GLP2R: variants seen among roughly 807,000 people sequenced by gnomAD.
GLP2R encodes glucagon-like peptide 2 receptor.
Under a neutral mutation model 68.2 loss-of-function variants are expected in GLP2R, and 59 were observed. The observed-to-expected ratio is 0.87, with a 90% CI of 0.70 to 1.07. The LOEUF is 1.07. GLP2R is among the 50% of genes least tolerant of loss of function. GLP2R has a pLI of 0.00. For missense variants in GLP2R, 548 were observed against 677.4 expected, an observed-to-expected ratio of 0.81 and a Z score of 2.12; for synonymous variants, 270 against 265.4, an observed-to-expected ratio of 1.02 and a Z score of -0.17.
intron 3 of GLP2R, among the ~76,000 whole-genome samples, chr17:9,840,114 T>C (rs531546385): frequency 8.4e-4 from 128 of 151,984 alleles, no homozygotes; most frequent in Non-Finnish European, 1.5e-3. Flanking sequence ...GTAGCTGGGA[T>C]TACAGGCACA....
chr17:9,830,440 CT>C (rs1204395554), intron 1 of GLP2R, among the ~76,000 whole-genome samples: 1 of 152,182 alleles, frequency 6.6e-6, no homozygotes, highest in Non-Finnish European at 1.5e-5. Context: ...AAGATGTTTA[CT>C]TCTTTAAACA....
chr17:9,838,822 G>A (rs1235611962), intron 3 of GLP2R, among the ~76,000 whole-genome samples: 2 of 152,212 alleles, frequency 1.3e-5, no homozygotes, highest in Non-Finnish European at 2.9e-5. Context: ...CAGAGTGGAG[G>A]AGAGTCCCTG....
At chr17:9,886,245 C>T (rs553536361) in intron 11 of GLP2R, among the ~76,000 whole-genome samples, 1 of 152,316 alleles carries the variant, frequency 6.6e-6, no homozygotes, top group African/African-American at 2.4e-5. Context: ...GAGAGTTCCA[C>T]CAGCCTCCTG....
intron 3 of GLP2R, among the ~76,000 whole-genome samples, chr17:9,840,476 A>T (rs1261365377): frequency 1.3e-5 from 2 of 152,248 alleles, no homozygotes; most frequent in Non-Finnish European, 2.9e-5. Context: ...ATATTTATGA[A>T]GCACCTGTTG....
At chr17:9,829,969 A>G (rs1309953426) in intron 1 of GLP2R, among the ~76,000 whole-genome samples, 1 of 152,234 alleles carries the variant, frequency 6.6e-6, no homozygotes, top group Non-Finnish European at 1.5e-5. Context: ...TTGCCTATGC[A>G]AGGGAAAAGG....
chr17:9,831,094 G>T lies in GLP2R; in HGVS notation c.190-2713G>T, dbSNP rs139395539. Among the ~76,000 whole-genome samples the T allele has an allele frequency of 5.1e-3, 771 of 152,260 alleles. 5 individuals carry two copies. The highest frequency in any genetic ancestry group is 8.4e-3 in the Admixed American group (128 of 15,284). ...CACACTAGCTCTTCTTCAAAAAGTC[G>T]GCTGTGTGATTGTTGCTGCACTCCC... On this transcript the variant is annotated intron_variant, in intron 1 of 12. Coordinates refer to ENST00000262441, the MANE Select transcript of GLP2R (RefSeq NM_004246.3).
intron 9 of GLP2R, among the ~76,000 whole-genome samples, chr17:9,869,604 C>T (rs575348055): frequency 6.6e-5 from 10 of 152,340 alleles, no homozygotes; most frequent in African/African-American, 1.7e-4. Context: ...GGCGCACACA[C>T]GTAGCTGGTG....
At position 9,835,407 on chromosome 17, in the gene GLP2R, G is replaced by A. The variant is rs550175756; in HGVS notation, c.278-964G>A. ...CCATTTGATTCCAGGAGGCCCATAA[G>A]GTGGAGTTTTAAGGTTGTTGCTTCC... On this transcript the variant is annotated intron_variant, in intron 2 of 12. Coordinates refer to ENST00000262441, the MANE Select transcript of GLP2R (RefSeq NM_004246.3). 1.5e-3 allele frequency among the ~76,000 whole-genome samples: 226 copies of A among 152,242 alleles called. 11 individuals are homozygous for A. In the South Asian group the frequency reaches 0.045, roughly 30 times the overall value.
intron 2 of GLP2R, among the ~76,000 whole-genome samples, chr17:9,834,953 G>A (rs1018847619): frequency 6.6e-6 from 1 of 151,638 alleles, no homozygotes; most frequent in African/African-American, 2.4e-5. Context: ...CAGCCAGGTC[G>A]ACATGGTGTC....
chr17:9,879,321 A>G (rs1167295636), intron 10 of GLP2R, among the ~76,000 whole-genome samples: 1 of 82,750 alleles, frequency 1.2e-5, no homozygotes, highest in South Asian at 4.3e-4. Flanking sequence ...AAAATAAAAT[A>G]AAATAAAATA....
intron 1 of GLP2R, among the ~76,000 whole-genome samples, chr17:9,832,264 C>T (rs1166580142): frequency 1.3e-5 from 2 of 151,882 alleles, no homozygotes; most frequent in South Asian, 4.2e-4. Flanking sequence ...GTAGCGAAAT[C>T]CTGTCTCTAC....
chr17:9,881,470 T>A (rs1258836399), intron 11 of GLP2R, among the ~76,000 whole-genome samples: 1 of 123,100 alleles, frequency 8.1e-6, no homozygotes, highest in Admixed American at 8.5e-5. Flanking sequence ...AAGCTCCGCC[T>A]CCCGGGTTCA....
At chr17:9,847,746 T>C (rs1350833922) in intron 4 of GLP2R, among the ~76,000 whole-genome samples, 1 of 152,170 alleles carries the variant, frequency 6.6e-6, no homozygotes, top group Non-Finnish European at 1.5e-5. Flanking sequence ...GTATTCAGGT[T>C]CTACACGTTT....
chr17:9,884,878 G>A (rs2152049828), intron 11 of GLP2R, among the ~76,000 whole-genome samples: 1 of 151,846 alleles, frequency 6.6e-6, no homozygotes. Flanking sequence ...TAAATTAGAG[G>A]GGGAAAAAAA....
chr17:9,877,173 A>G (rs1255381952), intron 10 of GLP2R, among the ~76,000 whole-genome samples: 1 of 152,240 alleles, frequency 6.6e-6, no homozygotes, highest in Non-Finnish European at 1.5e-5. Context: ...CCATAAGCAG[A>G]TGCTCAATAA....
At chr17:9,869,517 AGGCTGCAGCCAAGACGGCAGCCAG>A (rs2152043335) in intron 9 of GLP2R, among the ~76,000 whole-genome samples, 2 of 152,306 alleles carry the variant, frequency 1.3e-5, no homozygotes, top group South Asian at 4.1e-4. Context: ...ATCTCTCCCG[AGGCTGCAGCCAAGACGGCAGCCAG>A]GGCCGCAGCC....
rs558726598 is a variant in GLP2R, at chr17:9,875,717, C to T, written c.1146-4661C>T. Among the ~76,000 whole-genome samples the T allele has an allele frequency of 2.6e-5, 4 of 152,206 alleles. No homozygotes were observed. In the East Asian group the frequency reaches 5.8e-4, roughly 22 times the overall value. ...CAGGGTAAGCAATGCCCTAGGAATGCGGACAGAGTTCAGCAGACCGTCAGC... is the reference window on the plus strand; with the variant it reads ...CAGGGTAAGCAATGCCCTAGGAATGTGGACAGAGTTCAGCAGACCGTCAGC... On this transcript the variant is annotated intron_variant, in intron 10 of 12. Transcript: ENST00000262441.
At chr17:9,876,137 A>G (rs2067140608) in intron 10 of GLP2R, among the ~76,000 whole-genome samples, 1 of 152,180 alleles carries the variant, frequency 6.6e-6, no homozygotes. Flanking sequence ...TCGGCCTCCC[A>G]AAGTGCTGGG....
intron 5 of GLP2R, among the ~76,000 whole-genome samples, chr17:9,854,850 A>G (rs2066921563): frequency 1.3e-5 from 2 of 152,150 alleles, no homozygotes; most frequent in African/African-American, 2.4e-5. Flanking sequence ...AATAACCAAT[A>G]TTGAAATAGA....
Sources: allele counts gnomAD v4.1 joint callset (sites outside exome capture counted in the v4.1 genomes callset), GRCh38; gene constraint gnomAD v4.1.1; transcripts MANE v1.5; gene names NCBI Gene and HGNC (gene_info 2026-07-23, HGNC 2026-07-21).